The following ADGRE2 variants were observed in gnomAD, a reference collection of about 807,000 sequenced individuals.
The protein encoded by ADGRE2 is adhesion G protein-coupled receptor E2.
Under a neutral mutation model 100.8 loss-of-function variants are expected in ADGRE2, and 83 were observed. The ratio of observed to expected loss-of-function variants is 0.82; its 90% CI spans 0.69 to 0.99. The LOEUF (loss-of-function observed/expected upper bound fraction) is 0.99, where lower values mean the gene tolerates loss of function less well. Ranked by LOEUF, ADGRE2 falls within the 50% of genes least tolerant of loss-of-function variation. The pLI is 0.00. For synonymous variants in ADGRE2, 355 were observed against 413.0 expected (o/e 0.86, Z 1.70); for missense variants, 814 against 1,035.7 (o/e 0.79, Z 2.94).
At chr19:14,769,849 C>A (rs1176979893) in intron 5 of ADGRE2, among the ~76,000 whole-genome samples, 2 of 152,260 alleles carry the variant, frequency 1.3e-5, no homozygotes, top group Non-Finnish European at 2.9e-5. Flanking sequence ...AGGCACCCAC[C>A]ACCACGCCCA....
Position 14,733,251 on chromosome 19 carries a change from A to G in ADGRE2, c.*2985T>C, listed in dbSNP as rs1025682428. On this transcript the variant is annotated 3_prime_UTR_variant, in exon 21 of 21. Transcript: ENST00000315576. ...CAGAGCAGGAGCCCCGTTATTTTGG[A>G]CAAACACCGCCACTTTAAGTTTCAG... 15 of 152,304 alleles carry G rather than the reference A, an allele frequency of 9.8e-5. No individual in the cohort carries two copies. Among genetic ancestry groups the G allele is most frequent in the African/African-American group, 3.4e-4 (14 of 41,564 alleles). 9.4% of individuals were successfully genotyped at this position (152,304 alleles called of 1,614,324 possible).
chr19:14,770,495 C>G (rs1362293711), intron 5 of ADGRE2, among the ~76,000 whole-genome samples: 1 of 152,042 alleles, frequency 6.6e-6, no homozygotes, highest in Non-Finnish European at 1.5e-5. Context: ...GAGGCTCTCA[C>G]TGACAAGGAC....
At position 14,776,878 on chromosome 19, in the gene ADGRE2, G is replaced by C. The variant is rs577600634; in HGVS notation, c.-122C>G. The C allele has an allele frequency of 1.2e-4, 191 of 1,534,344 alleles. 1 individual carries two copies. The highest frequency in any genetic ancestry group is 5.7e-4 in the East Asian group (23 of 40,562). ...CGAGGCCAGGACTTTATAAAGGAGG[G>C]GGGGCGGACAGCCGCTGGCCCAGGG... On this transcript the variant is annotated 5_prime_UTR_variant, in exon 2 of 21. Coordinates refer to ENST00000315576, the MANE Select transcript of ADGRE2 (RefSeq NM_013447.4).
intron 14 of ADGRE2, among the ~76,000 whole-genome samples, chr19:14,753,998 G>C (rs1485997520): frequency 6.6e-6 from 1 of 152,168 alleles, no homozygotes; most frequent in East Asian, 1.9e-4. Flanking sequence ...TTGAGTCAGT[G>C]GACTGGGAAA....
chr19:14,754,861 A>G (rs1411616118), intron 14 of ADGRE2, 93 bp downstream of exon 14: 3 of 1,382,358 alleles, frequency 2.2e-6, no homozygotes, highest in East Asian at 4.8e-5. Context: ...GAGCTGTGAG[A>G]TAATGCATAT....
At chr19:14,769,751 T>A (rs1256670089) in intron 5 of ADGRE2, among the ~76,000 whole-genome samples, 2 of 152,104 alleles carry the variant, frequency 1.3e-5, no homozygotes, top group African/African-American at 4.8e-5. Flanking sequence ...CAGGCTGGAG[T>A]GCAGTGGTGC....
rs1421326402 is a variant in ADGRE2, at chr19:14,733,953, G to T, written c.*2283C>A. On this transcript the variant is annotated 3_prime_UTR_variant, in exon 21 of 21. Transcript: ENST00000315576. Reference sequence around the variant, plus strand: ...CAAAGCCCCTAAATCAATACTCATTGAGCTTATACGGACAGGCACAGAGCA... The same window carrying T: ...CAAAGCCCCTAAATCAATACTCATTTAGCTTATACGGACAGGCACAGAGCA... 6.6e-6 allele frequency: 1 copy of T among 152,194 alleles called. No homozygotes were observed. Among genetic ancestry groups the T allele is most frequent in the African/African-American group, 2.4e-5 (1 of 41,442 alleles). 9.4% of individuals were successfully genotyped at this position (152,194 alleles called of 1,614,324 possible). A position where few individuals can be genotyped will look rare whatever the true frequency, so the allele number is the denominator to read the frequency against.
chr19:14,731,470 A>G, downstream of ADGRE2: 1 of 461,822 alleles, frequency 2.2e-6, no homozygotes, highest in Non-Finnish European at 3.9e-6. Context: ...CAGCCGTGCA[A>G]TGACTGTTAG....
At chr19:14,765,162 G>C (rs1365871085) in intron 10 of ADGRE2, among the ~76,000 whole-genome samples, 158 bp downstream of exon 10, 1 of 152,152 alleles carries the variant, frequency 6.6e-6, no homozygotes, top group Non-Finnish European at 1.5e-5. Flanking sequence ...AGTGCACTTG[G>C]GTGTCCATTA....
chr19:14,776,045 C>G (rs1480303053), intron 2 of ADGRE2, among the ~76,000 whole-genome samples: 1 of 152,008 alleles, frequency 6.6e-6, no homozygotes, highest in Admixed American at 6.6e-5. Context: ...GCTGTGGCCG[C>G]CTGTTGGGGT....
intron 20 of ADGRE2, among the ~76,000 whole-genome samples, chr19:14,737,162 A>T (rs972351144): frequency 1.3e-5 from 2 of 149,866 alleles, no homozygotes; most frequent in Admixed American, 6.7e-5. Flanking sequence ...AAAATTTATT[A>T]AAAAAAAGAA....
In ADGRE2 at chr19:14,740,582, T is replaced by C. The variant is rs1483833388; in HGVS notation, c.2463+2838A>G. Among the ~76,000 whole-genome samples, 6 of 144,558 alleles carry C rather than the reference T, an allele frequency of 4.2e-5. No individual in the cohort carries two copies. In the Admixed American group the frequency reaches 4.3e-4, roughly 10 times the overall value. The allele number at this position is 144,558 out of a possible 152,430, so 94.8% of individuals were successfully genotyped here. A position where few individuals can be genotyped will look rare whatever the true frequency, so the allele number is the denominator to read the frequency against. ...GTTGCGGTGAGCTGAGATAGCACCATTGTACTCCAGCCTGGGTAATAAGAG... is the reference window on the plus strand; with the variant it reads ...GTTGCGGTGAGCTGAGATAGCACCACTGTACTCCAGCCTGGGTAATAAGAG... On this transcript the variant is annotated intron_variant, in intron 20 of 20. Coordinates refer to ENST00000315576, the MANE Select transcript of ADGRE2 (RefSeq NM_013447.4).
chr19:14,774,962 C>T (rs1339625814), intron 2 of ADGRE2, among the ~76,000 whole-genome samples: 2 of 145,604 alleles, frequency 1.4e-5, no homozygotes, highest in East Asian at 2.1e-4. Flanking sequence ...GTGTGAGCCA[C>T]GGCTCCCAGC....
intron 2 of ADGRE2, 189 bp downstream of exon 2, chr19:14,776,536 CG>C: frequency 1.5e-6 from 1 of 671,056 alleles, no homozygotes; most frequent in Non-Finnish European, 2.5e-6. Context: ...GAGTTCCTGC[CG>C]GGGTGTGGGG....
At chr19:14,774,627 C>G (rs1056524768) in intron 2 of ADGRE2, among the ~76,000 whole-genome samples, 9 of 141,244 alleles carry the variant, frequency 6.4e-5, no homozygotes, top group East Asian at 4.2e-4. Context: ...CCCTGCCTCA[C>G]CCTCCCGAGT....
intron 11 of ADGRE2, among the ~76,000 whole-genome samples, chr19:14,763,766 C>T: frequency 2.9e-5 from 4 of 140,324 alleles, no homozygotes; most frequent in Non-Finnish European, 4.7e-5. Flanking sequence ...CTCTCCTCCT[C>T]CTCCTCTCCT....
chr19:14,736,926 TA>T (rs1171410893), intron 20 of ADGRE2, among the ~76,000 whole-genome samples: 6 of 146,198 alleles, frequency 4.1e-5, no homozygotes, highest in East Asian at 2.0e-4. Flanking sequence ...AATATATATA[TA>T]TTTAGAAATA....
intron 14 of ADGRE2, 114 bp downstream of exon 14, chr19:14,754,840 T>C: frequency 1.7e-6 from 2 of 1,192,060 alleles, no homozygotes; most frequent in Non-Finnish European, 2.3e-6. Context: ...CTATGCCAGC[T>C]TGCTGACCCA....
chr19:14,757,402 G>A (rs79145595), intron 11 of ADGRE2, among the ~76,000 whole-genome samples: 65,978 of 151,782 alleles, frequency 0.43, 15,449 homozygotes, highest in African/African-American at 0.6. Flanking sequence ...GGTGTTGTAA[G>A]GAATCCAAAT....
Sources: allele counts gnomAD v4.1 joint callset (sites outside exome capture counted in the v4.1 genomes callset), GRCh38; gene constraint gnomAD v4.1.1; transcripts MANE v1.5; gene names NCBI Gene and HGNC (gene_info 2026-07-23, HGNC 2026-07-21).